HDAC5: variants seen among roughly 807,000 people sequenced by gnomAD.
The protein encoded by HDAC5 is histone deacetylase 5, also known as antigen NY-CO-9.
Under a neutral mutation model 133.3 loss-of-function variants are expected in HDAC5, and 25 were observed. The observed-to-expected ratio is 0.19, with a 90% CI of 0.14 to 0.26. HDAC5 has a LOEUF of 0.26. Ranked by LOEUF, HDAC5 falls within the 10% of genes least tolerant of loss-of-function variation. The pLI is 1.00. For missense variants in HDAC5, 1,041 were observed against 1,460.5 expected (o/e 0.71, Z 4.68); for synonymous variants, 589 against 610.8 (o/e 0.96, Z 0.53).
intron 20 of HDAC5, chr17:44,082,380 T>C (rs1210803170): frequency 8.6e-6 from 5 of 584,562 alleles, no homozygotes; most frequent in South Asian, 6.1e-5. Context: ...ATGTCTTTCA[T>C]AGTTGAGGAG....
chr17:44,083,569 G>C lies in HDAC5; in HGVS notation c.2439C>G (p.Phe813Leu), dbSNP rs1224833257. ...CCTTGAGCTCTCCTGCAGCCACCTT[G>C]AAGGCCAGCTCCAGCAGGCAGCCCA... ...MAVGCLLELA[F>L]KVAAGELKNG... The change falls in exon 18 of 27, where the codon TTC (phenylalanine) becomes TTG (leucine). Residue 813 changes from phenylalanine to leucine, a missense_variant. Phe to Leu is a conservative substitution (Grantham distance 22). Around this residue, in one of 9 missense-constraint regions of HDAC5, gnomAD observed 174 missense variants for 352.7 expected, o/e 0.49. Transcript: ENST00000682912. 1 of 1,613,886 alleles carries C rather than the reference G, an allele frequency of 6.2e-7. No homozygotes were observed.
intron 3 of HDAC5, among the ~76,000 whole-genome samples, chr17:44,094,670 C>G (rs1042087879): frequency 1.3e-5 from 2 of 151,860 alleles, no homozygotes; most frequent in Non-Finnish European, 2.9e-5. Context: ...AAGCATGAAG[C>G]TGTACCTGAC....
rs762707167 is a variant in HDAC5, at chr17:44,083,593, C to T, written c.2415G>A (p.Val805=). Residue 805 remains valine, a synonymous_variant, in exon 18 of 27, where the codon GTG becomes GTA. Coordinates refer to ENST00000682912, the MANE Select transcript of HDAC5 (RefSeq NM_005474.5). ...MHSSSAVRMA[V]GCLLELAFKV... is the part of the protein sequence containing the mutation. The stretch of plus-strand genomic sequence containing the variant: ...TGAAGGCCAGCTCCAGCAGGCAGCC[C>T]ACTGCCATGCGCACAGCACTGGAGG... 1 of 1,614,138 alleles carries T rather than the reference C, an allele frequency of 6.2e-7. No individual in the cohort carries two copies. Among genetic ancestry groups the T allele is most frequent in the Non-Finnish European group, 8.5e-7 (1 of 1,180,016 alleles).
At chr17:44,080,689 G>C in intron 21 of HDAC5, 74 bp downstream of exon 21, 1 of 1,601,988 alleles carries the variant, frequency 6.2e-7, no homozygotes, top group Non-Finnish European at 8.5e-7. Context: ...GGCCTCCGTG[G>C]CTCCCCGCCA....
At position 44,092,813 on chromosome 17, in the gene HDAC5, T is replaced by TGGGGGGGGGGGGGCCCCGGGGGGG; in HGVS notation, c.642-8_642-7insCCCCCCCGGGGCCCCCCCCCCCCC. 1 of 403,450 alleles carries TGGGGGGGGGGGGGCCCCGGGGGGG rather than the reference T, an allele frequency of 2.5e-6. No homozygotes were observed. 25.0% of individuals were successfully genotyped at this position (403,450 alleles called of 1,614,324 possible). A position where few individuals can be genotyped will look rare whatever the true frequency, so the allele number is the denominator to read the frequency against. Reference sequence around the variant, plus strand: ...AGAAGCATGGTGGGCTCCCCTGGGGTGGGGGGGGGGTGGGGATGGAAGCAG... The same window carrying TGGGGGGGGGGGGGCCCCGGGGGGG: ...AGAAGCATGGTGGGCTCCCCTGGGGTGGGGGGGGGGGGGCCCCGGGGGGGGGGGGGGGGGTGGGGATGGAAGCAG... On this transcript the variant is annotated splice_region_variant and splice_polypyrimidine_tract_variant and intron_variant, in intron 6 of 26. Transcript: ENST00000682912.
intron 3 of HDAC5, among the ~76,000 whole-genome samples, chr17:44,107,245 T>C (rs1378266635): frequency 1.3e-5 from 2 of 152,074 alleles, no homozygotes; most frequent in African/African-American, 4.8e-5. Context: ...AGCTACCATG[T>C]CCAGTAAGTT....
At position 44,097,355 on chromosome 17, in the gene HDAC5, C is replaced by T. The variant is rs560393958; in HGVS notation, c.95-3521G>A. ...GTGGTTTTCCCGCCAGCCATACTGA[C>T]GACTCTGTGGCCACAAGGCCAGAGC... is the stretch of plus-strand genomic sequence containing the variant. On this transcript the variant is annotated intron_variant, in intron 3 of 26. Transcript: ENST00000682912. 3.9e-5 allele frequency among the ~76,000 whole-genome samples: 6 copies of T among 152,360 alleles called. No homozygotes were observed. In the East Asian group the frequency reaches 5.8e-4, roughly 15 times the overall value.
intron 10 of HDAC5, 75 bp from the exon 11 acceptor site, chr17:44,091,567 T>A: frequency 6.7e-7 from 1 of 1,485,240 alleles, no homozygotes; most frequent in Non-Finnish European, 9.0e-7. Flanking sequence ...CTACCCACTA[T>A]CTACCCCCCA....
chr17:44,080,237 T>C lies in HDAC5; in HGVS notation c.2826-12A>G, dbSNP rs916562654. 24 of 1,607,952 alleles carry C rather than the reference T, an allele frequency of 1.5e-5. No homozygotes were observed. The highest frequency in any genetic ancestry group is 2.0e-5 in the Non-Finnish European group (24 of 1,174,452). ...GCATCACCACTGTCCTGCAAAGGGA[T>C]GGCTCAAGCTGAGCCCGGCAGATGA... On this transcript the variant is annotated splice_polypyrimidine_tract_variant and intron_variant, in intron 22 of 26. Coordinates refer to ENST00000682912, the MANE Select transcript of HDAC5 (RefSeq NM_005474.5).
At chr17:44,097,749 C>G (rs1013458509) in intron 3 of HDAC5, among the ~76,000 whole-genome samples, 3 of 152,246 alleles carry the variant, frequency 2.0e-5, no homozygotes, top group Admixed American at 1.3e-4. Flanking sequence ...CAGGGAAGGG[C>G]AGAGGTCCAA....
At chr17:44,089,074 AGTT>A (rs1156483267) in intron 11 of HDAC5, among the ~76,000 whole-genome samples, 1 of 152,122 alleles carries the variant, frequency 6.6e-6, no homozygotes, top group Non-Finnish European at 1.5e-5. Context: ...GGCTGTCTAA[AGTT>A]GTGCTGTCTA....
chr17:44,123,541 G>GGCA lies in HDAC5; in HGVS notation c.-230_-228dup, dbSNP rs1158853605. 4.3e-4 allele frequency: 172 copies of GGCA among 399,016 alleles called. No individual in the cohort carries two copies. The highest frequency in any genetic ancestry group is 3.3e-3 in the African/African-American group (162 of 48,428). The allele number at this position is 399,016 out of a possible 1,614,324, so 24.7% of individuals were successfully genotyped here. A position where few individuals can be genotyped will look rare whatever the true frequency, so the allele number is the denominator to read the frequency against. On this transcript the variant is annotated 5_prime_UTR_variant, in exon 1 of 27. Coordinates refer to ENST00000682912, the MANE Select transcript of HDAC5 (RefSeq NM_005474.5). Reference sequence around the variant, plus strand: ...GAGCTCCGGCTTCGCGGGCGGCGGCGGCAGCAGCGGCGGCGGCAGCGGCGG... The same window carrying GGCA: ...GAGCTCCGGCTTCGCGGGCGGCGGCGGCAGCAGCAGCGGCGGCGGCAGCGGCGG...
chr17:44,110,677 G>A (rs2052277226), intron 3 of HDAC5, 52 bp downstream of exon 3: 2 of 1,452,880 alleles, frequency 1.4e-6, no homozygotes, highest in Non-Finnish European at 1.9e-6. Flanking sequence ...GCTCAGCCCA[G>A]GGACAAGGAT....
chr17:44,107,960 G>C (rs1328602650), intron 3 of HDAC5, among the ~76,000 whole-genome samples: 1 of 152,118 alleles, frequency 6.6e-6, no homozygotes, highest in Non-Finnish European at 1.5e-5. Context: ...ACAAGACAAA[G>C]GGGAATCCAG....
At chr17:44,095,146 A>G (rs971146397) in intron 3 of HDAC5, among the ~76,000 whole-genome samples, 9 of 152,030 alleles carry the variant, frequency 5.9e-5, no homozygotes, top group African/African-American at 2.2e-4. Context: ...TTTTACAATG[A>G]CTCATTTAAA....
intron 2 of HDAC5, among the ~76,000 whole-genome samples, chr17:44,112,552 G>A (rs1192431644): frequency 1.3e-5 from 2 of 152,096 alleles, no homozygotes; most frequent in Admixed American, 6.5e-5. Flanking sequence ...AGGGACACCT[G>A]TCCTCTCTCT....
intron 26 of HDAC5, 34 bp from the exon 27 acceptor site, chr17:44,078,449 G>A: frequency 1.3e-6 from 2 of 1,568,566 alleles, no homozygotes; most frequent in Non-Finnish European, 1.7e-6. Context: ...GTATTGAGTG[G>A]GGCGCACCAG....
chr17:44,090,879 C>T (rs991968834), intron 11 of HDAC5, among the ~76,000 whole-genome samples: 8 of 151,558 alleles, frequency 5.3e-5, no homozygotes, highest in East Asian at 1.9e-4. Flanking sequence ...TTAGTAGAGA[C>T]GGGGTTTCAC....
At chr17:44,118,900 A>C (rs1489384346) in intron 1 of HDAC5, among the ~76,000 whole-genome samples, 1 of 152,166 alleles carries the variant, frequency 6.6e-6, no homozygotes, top group Non-Finnish European at 1.5e-5. Context: ...CATTCTCATC[A>C]GATTCCCAAG....
Sources: allele counts gnomAD v4.1 joint callset (sites outside exome capture counted in the v4.1 genomes callset), GRCh38; gene constraint gnomAD v4.1.1; regional missense constraint gnomAD v4.1.1; transcripts MANE v1.5; gene names NCBI Gene and HGNC (gene_info 2026-07-23, HGNC 2026-07-21).